AFF3: variants seen among roughly 807,000 people sequenced by gnomAD.
AFF3 encodes AF4/FMR2 family member 3.
AFF3 carries 32 observed loss-of-function variants against 129.7 expected under a neutral mutation model. The observed-to-expected ratio is 0.25, with a 90% CI of 0.19 to 0.33. AFF3 has a LOEUF of 0.33. AFF3 is among the 10% of genes least tolerant of loss of function. AFF3 has a pLI of 1.00. For synonymous variants in AFF3, 644 were observed against 635.4 expected, an observed-to-expected ratio of 1.01 and a Z score of -0.20; for missense variants, 1,373 against 1,592.0, an observed-to-expected ratio of 0.86 and a Z score of 2.34.
chr2:99,622,537 T>A (rs368101885), intron 13 of AFF3, among the ~76,000 whole-genome samples: 155 of 152,328 alleles, frequency 1.0e-3, no homozygotes, highest in Middle Eastern at 6.8e-3. Flanking sequence ...GCTTTATTAT[T>A]CCTGAGTATG....
At chr2:99,824,038 T>C (rs934049237) in intron 8 of AFF3, among the ~76,000 whole-genome samples, 7 of 152,010 alleles carry the variant, frequency 4.6e-5, no homozygotes, top group African/African-American at 1.7e-4. Flanking sequence ...CTCAGCATCA[T>C]GCAATATACC....
rs1364263857 is a variant in AFF3 at position 99,752,315 on chromosome 2, T to C, written c.922-14A>G. 1.1e-5 allele frequency: 18 copies of C among 1,607,508 alleles called. No homozygotes were observed. The highest frequency in any genetic ancestry group is 1.7e-5 in the Admixed American group (1 of 59,954). On this transcript the variant is annotated splice_polypyrimidine_tract_variant and intron_variant, in intron 8 of 24. Coordinates refer to ENST00000672756, the MANE Select transcript of AFF3 (RefSeq NM_001386135.1). ...CCAGGTCATCTCCTGAAGGACGGGA[T>C]AAAAACAAACAATATTGTGATACAG...
chr2:99,676,333 C>T (rs1432856417), intron 11 of AFF3, among the ~76,000 whole-genome samples: 1 of 152,170 alleles, frequency 6.6e-6, no homozygotes, highest in Non-Finnish European at 1.5e-5. Context: ...GTTACTTTGT[C>T]AATCCCTGCA....
In AFF3 at chr2:99,617,880, A is replaced by C. The variant is rs565760227; in HGVS notation, c.1185-16259T>G. The stretch of plus-strand genomic sequence containing the variant: ...GGTCCAGTGACTCACTCTAGGTTGC[A>C]TATCAGGTTAGTGGAGGAGAGAGGT... On this transcript the variant is annotated intron_variant, in intron 13 of 24. Transcript: ENST00000672756. Among the ~76,000 whole-genome samples the C allele has an allele frequency of 4.7e-4, 72 of 152,324 alleles. 1 individual carries two copies. Among genetic ancestry groups the C allele is most frequent in the African/African-American group, 1.7e-3 (72 of 41,582 alleles).
intron 12 of AFF3, among the ~76,000 whole-genome samples, chr2:99,657,831 C>T (rs1350997755): frequency 6.6e-6 from 1 of 152,198 alleles, no homozygotes; most frequent in African/African-American, 2.4e-5. Flanking sequence ...ATGAAGTTTG[C>T]ACAGGCAACA....
intron 4 of AFF3, among the ~76,000 whole-genome samples, chr2:100,033,670 G>A (rs1156324711): frequency 2.6e-5 from 4 of 152,058 alleles, no homozygotes; most frequent in East Asian, 1.9e-4. Flanking sequence ...TTTGCAAAAC[G>A]GTCTATGTTT....
intron 7 of AFF3, among the ~76,000 whole-genome samples, chr2:99,936,808 T>C (rs1180726242): frequency 6.6e-6 from 1 of 152,168 alleles, no homozygotes; most frequent in Non-Finnish European, 1.5e-5. Context: ...CTTCAGTAAG[T>C]ATTGTCATGC....
chr2:99,702,017 G>A (rs1676915612), intron 11 of AFF3, among the ~76,000 whole-genome samples: 1 of 152,212 alleles, frequency 6.6e-6, no homozygotes, highest in African/African-American at 2.4e-5. Flanking sequence ...TTGCTGGGTA[G>A]CATTCAATGG....
chr2:99,679,792 C>T (rs892787302), intron 11 of AFF3, among the ~76,000 whole-genome samples: 6 of 152,142 alleles, frequency 3.9e-5, no homozygotes, highest in Non-Finnish European at 7.4e-5. Flanking sequence ...ACATTGTTTC[C>T]ACATCTCCAA....
chr2:99,979,736 G>A (rs1474460574), intron 7 of AFF3, among the ~76,000 whole-genome samples: 2 of 152,034 alleles, frequency 1.3e-5, no homozygotes, highest in African/African-American at 2.4e-5. Context: ...CCCCTCTTGG[G>A]CCTCCCAAAG....
intron 2 of AFF3, among the ~76,000 whole-genome samples, chr2:100,111,348 A>G (rs1249779462): frequency 2.0e-5 from 3 of 152,184 alleles, no homozygotes. Flanking sequence ...ATTTACAAAA[A>G]CCTGTGATTA....
At chr2:99,732,347 C>CAAAA (rs35379808) in intron 10 of AFF3, among the ~76,000 whole-genome samples, 4 of 74,890 alleles carry the variant, frequency 5.3e-5, no homozygotes, top group African/African-American at 1.6e-4. Flanking sequence ...GACTCTGTCT[C>CAAAA]AAAAAAAAAA....
intron 11 of AFF3, among the ~76,000 whole-genome samples, chr2:99,696,043 T>G (rs769277458): frequency 6.8e-4 from 98 of 144,186 alleles, no homozygotes; most frequent in Non-Finnish European, 1.1e-3. Flanking sequence ...ACATTAGTCA[T>G]CCCTTTCCCA....
chr2:100,001,049 G>T (rs1367805260), intron 7 of AFF3, among the ~76,000 whole-genome samples: 1 of 152,210 alleles, frequency 6.6e-6, no homozygotes, highest in African/African-American at 2.4e-5. Context: ...AGCCCCAGGT[G>T]CGGAGCTCAG....
At chr2:99,936,792 T>C (rs2106325114) in intron 7 of AFF3, among the ~76,000 whole-genome samples, 1 of 152,280 alleles carries the variant, frequency 6.6e-6, no homozygotes, top group South Asian at 2.1e-4. Context: ...CAGGAAAGGG[T>C]TCTTCCTTCA....
At chr2:99,997,417 AAT>A (rs1408188309) in intron 7 of AFF3, among the ~76,000 whole-genome samples, 1 of 151,906 alleles carries the variant, frequency 6.6e-6, no homozygotes, top group Non-Finnish European at 1.5e-5. Flanking sequence ...TCTCCTTCAA[AAT>A]ATATAGAGAA....
At chr2:99,716,894 AT>A (rs1419392686) in intron 11 of AFF3, among the ~76,000 whole-genome samples, 17 of 16,160 alleles carry the variant, frequency 1.1e-3, no homozygotes, top group African/African-American at 2.0e-3. Flanking sequence ...AAAAAAAAAT[AT>A]ATATATATAT....
At chr2:99,570,740 G>A (rs1051499562) in intron 18 of AFF3, among the ~76,000 whole-genome samples, 1 of 152,142 alleles carries the variant, frequency 6.6e-6, no homozygotes, top group Middle Eastern at 3.4e-3. Context: ...GCTTACTCAC[G>A]AAGGCCCTTG....
intron 8 of AFF3, among the ~76,000 whole-genome samples, chr2:99,818,716 G>T (rs577696338): frequency 6.6e-6 from 1 of 152,260 alleles, no homozygotes; most frequent in South Asian, 2.1e-4. Context: ...TGAAAATACT[G>T]CTAGAAGTTA....
Sources: gnomAD v4.1 joint callset for allele counts (sites outside exome capture counted in the v4.1 genomes callset) on GRCh38, gnomAD v4.1.1 for gene constraint, MANE v1.5 for transcripts, NCBI Gene and HGNC (gene_info 2026-07-23, HGNC 2026-07-21) for gene names.